The following FNDC3A variants were observed in gnomAD, a reference collection of about 807,000 sequenced individuals.
FNDC3A encodes the protein fibronectin type-III domain-containing protein 3A.
In FNDC3A, 32 loss-of-function variants were observed where a neutral mutation model predicts 148.9. The observed-to-expected ratio is 0.21, with a 90% confidence interval of 0.16 to 0.29. FNDC3A has a LOEUF of 0.29. FNDC3A is among the 10% of genes least tolerant of loss of function. The pLI, the probability that FNDC3A is intolerant of heterozygous loss-of-function variation, is 1.00. For missense variants in FNDC3A, 1,191 were observed against 1,452.8 expected, an observed-to-expected ratio of 0.82 and a Z score of 2.93; for synonymous variants, 472 against 473.6, an observed-to-expected ratio of 1.00 and a Z score of 0.04.
intron 1 of FNDC3A, among the ~76,000 whole-genome samples, chr13:48,979,106 A>G (rs571190061): frequency 6.6e-6 from 1 of 152,130 alleles, no homozygotes; most frequent in East Asian, 1.9e-4. Flanking sequence ...AATGTTTCCA[A>G]TCACTTATCA....
chr13:49,142,619 G>A (rs1882754479), intron 7 of FNDC3A, among the ~76,000 whole-genome samples: 1 of 152,108 alleles, frequency 6.6e-6, no homozygotes, highest in South Asian at 2.1e-4. Flanking sequence ...ACCAGCAACA[G>A]AAAACAGCAT....
chr13:49,006,246 C>G lies in FNDC3A; in HGVS notation c.56C>G (p.Ser19Cys). The G allele has an allele frequency of 6.2e-7, 1 of 1,609,798 alleles. No homozygotes were observed. Among genetic ancestry groups the G allele is most frequent in the Non-Finnish European group, 8.5e-7 (1 of 1,176,806 alleles). The change falls in exon 2 of 26, where the codon TCT (serine) becomes TGT (cysteine). Residue 19 changes from serine (S) to cysteine (C), a missense_variant. Ser to Cys is a moderately radical substitution (Grantham distance 112). This residue lies in a region of FNDC3A where 426 missense variants were observed against 473.2 expected (regional missense o/e 0.90). Transcript: ENST00000492622. ...DTTQILSSDI[S>C]LLSAPIVSAD... ...ACTCAGATCTTAAGTAGTGATATTT[C>G]TCTTTTGTCTGCCCCTATTGTAAGT...
chr13:49,097,315 TAA>T (rs750545896), intron 3 of FNDC3A, among the ~76,000 whole-genome samples: 2 of 140,954 alleles, frequency 1.4e-5, no homozygotes, highest in African/African-American at 2.6e-5. Context: ...GATTAGCAGT[TAA>T]AAAAAAAAAA....
intron 8 of FNDC3A, 182 bp downstream of exon 8, chr13:49,146,117 C>T: frequency 1.9e-6 from 1 of 526,216 alleles, no homozygotes; most frequent in South Asian, 2.7e-5. Flanking sequence ...TTTCTGTCTA[C>T]CTTCCTTCAG....
chr13:49,017,721 A>T (rs1277873862), intron 2 of FNDC3A, among the ~76,000 whole-genome samples: 1 of 151,646 alleles, frequency 6.6e-6, no homozygotes, highest in East Asian at 1.9e-4. Flanking sequence ...TTTTGGCATG[A>T]TTTTGCAGCA....
At chr13:49,037,162 TA>T (rs1874554715) in intron 2 of FNDC3A, among the ~76,000 whole-genome samples, 1 of 152,120 alleles carries the variant, frequency 6.6e-6, no homozygotes, top group Non-Finnish European at 1.5e-5. Context: ...TCTATATTGA[TA>T]AAAAATAATA....
chr13:49,062,561 C>T (rs929633068), intron 2 of FNDC3A, among the ~76,000 whole-genome samples: 1 of 152,290 alleles, frequency 6.6e-6, no homozygotes. Context: ...CTCATGACTT[C>T]GTACACATTA....
At chr13:49,048,401 A>G (rs1435766743) in intron 2 of FNDC3A, among the ~76,000 whole-genome samples, 1 of 152,032 alleles carries the variant, frequency 6.6e-6, no homozygotes, top group African/African-American at 2.4e-5. Context: ...CACAATATTA[A>G]TTCTACCCAA....
chr13:49,122,869 A>T (rs1881447103), intron 4 of FNDC3A, among the ~76,000 whole-genome samples: 1 of 152,180 alleles, frequency 6.6e-6, no homozygotes, highest in African/African-American at 2.4e-5. Context: ...AAATGGAAAA[A>T]CATTCCATGC....
At position 49,167,299 on chromosome 13, in the gene FNDC3A, G is replaced by A; in HGVS notation, c.1033G>A (p.Ala345Thr). The A allele has an allele frequency of 6.3e-7, 1 of 1,595,388 alleles. No homozygotes were observed. The highest frequency in any genetic ancestry group is 1.7e-5 in the Admixed American group (1 of 59,176). ...TCTCAAGCCAGCCATGGATTACCAT[G>A]CAAAGTAAGGAATTCCTACAGATTG... ...NDLKPAMDYH[A>T]KVQAEYNSIK... Residue 345 changes from alanine to threonine, a missense_variant, in exon 9 of 26, where the codon GCA (alanine) becomes ACA (threonine). Coordinates refer to ENST00000492622, the MANE Select transcript of FNDC3A (RefSeq NM_001079673.2).
At chr13:49,197,045 A>G in intron 20 of FNDC3A, 55 bp downstream of exon 20, 1 of 1,020,904 alleles carries the variant, frequency 9.8e-7, no homozygotes, top group East Asian at 2.5e-5. Flanking sequence ...AGAATAGTTT[A>G]TATAAAAGAA....
chr13:49,165,795 G>C (rs1884424035), intron 8 of FNDC3A, among the ~76,000 whole-genome samples: 1 of 152,174 alleles, frequency 6.6e-6, no homozygotes, highest in Admixed American at 6.5e-5. Context: ...AGCAGTCCAT[G>C]CTGATGTTGA....
intron 2 of FNDC3A, among the ~76,000 whole-genome samples, chr13:49,050,000 G>A (rs1399882034): frequency 6.6e-6 from 1 of 152,204 alleles, no homozygotes; most frequent in East Asian, 1.9e-4. Flanking sequence ...GATTATAGGC[G>A]TGAGCCACGG....
At chr13:49,085,440 G>A (rs1878742808) in intron 3 of FNDC3A, among the ~76,000 whole-genome samples, 1 of 152,112 alleles carries the variant, frequency 6.6e-6, no homozygotes, top group Non-Finnish European at 1.5e-5. Context: ...GGAATGTAGA[G>A]TCCTCATGCA....
intron 8 of FNDC3A, among the ~76,000 whole-genome samples, chr13:49,154,201 G>A (rs1265669116): frequency 2.0e-5 from 3 of 150,218 alleles, no homozygotes; most frequent in South Asian, 4.3e-4. Flanking sequence ...TCATTGAGCA[G>A]TGGTTTGTAG....
chr13:49,013,714 A>C (rs1451992676), intron 2 of FNDC3A, among the ~76,000 whole-genome samples: 1 of 148,120 alleles, frequency 6.8e-6, no homozygotes, highest in African/African-American at 2.5e-5. Context: ...GTCATCTATC[A>C]TTAGGTATAT....
At chr13:49,095,374 G>A (rs952038673) in intron 3 of FNDC3A, 2 of 152,048 alleles carry the variant, frequency 1.3e-5, no homozygotes, top group Non-Finnish European at 2.9e-5. Flanking sequence ...TCTGCCACTC[G>A]GGATAGATAA....
chr13:49,011,514 G>A (rs930260600), intron 2 of FNDC3A, among the ~76,000 whole-genome samples: 5 of 152,148 alleles, frequency 3.3e-5, no homozygotes, highest in African/African-American at 7.2e-5. Context: ...GATTACATGC[G>A]TGAGCCACCG....
At chr13:49,100,607 G>A (rs1879801056) in intron 3 of FNDC3A, among the ~76,000 whole-genome samples, 1 of 152,080 alleles carries the variant, frequency 6.6e-6, no homozygotes, top group Non-Finnish European at 1.5e-5. Flanking sequence ...TGAAGTTACA[G>A]TATCCTCTTT....
Sources: allele counts gnomAD v4.1 joint callset (sites outside exome capture counted in the v4.1 genomes callset), GRCh38; gene constraint gnomAD v4.1.1; regional missense constraint gnomAD v4.1.1; transcripts MANE v1.5; gene names NCBI Gene and HGNC (gene_info 2026-07-23, HGNC 2026-07-21).